The following TJP1 variants were observed in gnomAD, a reference collection of about 807,000 sequenced individuals.
TJP1 encodes the protein tight junction protein 1.
Under a neutral mutation model 194.2 loss-of-function variants are expected in TJP1, and 43 were observed. That is an observed-to-expected ratio of 0.22 (90% CI 0.17 to 0.29). The LOEUF is 0.29. Ranked by LOEUF, TJP1 falls within the 10% of genes least tolerant of loss-of-function variation. TJP1 has a pLI of 1.00. For missense variants in TJP1, 1,971 were observed against 2,185.7 expected, an observed-to-expected ratio of 0.90 and a Z score of 1.96; for synonymous variants, 801 against 779.0, an observed-to-expected ratio of 1.03 and a Z score of -0.47.
At chr15:29,913,217 G>A (rs1426735906) in intron 2 of TJP1, among the ~76,000 whole-genome samples, 4 of 152,106 alleles carry the variant, frequency 2.6e-5, no homozygotes, top group African/African-American at 9.7e-5. Flanking sequence ...GAATACGGAG[G>A]ACTTAAAAGA....
At chr15:29,770,931 A>T (rs2046629328) in intron 4 of TJP1, among the ~76,000 whole-genome samples, 2 of 152,200 alleles carry the variant, frequency 1.3e-5, no homozygotes, top group Admixed American at 6.5e-5. Flanking sequence ...AGTGTTTACA[A>T]AGTCTACAGT....
At chr15:29,825,003 T>G (rs1327783684), upstream of TJP1, among the ~76,000 whole-genome samples, 2 of 152,216 alleles carry the variant, frequency 1.3e-5, no homozygotes, top group Non-Finnish European at 2.9e-5. Context: ...TTTAAAATTT[T>G]TCAGTGGTAT....
chr15:29,804,448 T>C (rs556921208), intron 1 of TJP1, among the ~76,000 whole-genome samples: 12 of 152,286 alleles, frequency 7.9e-5, no homozygotes, highest in Middle Eastern at 6.8e-3. Flanking sequence ...ACTATTTTAA[T>C]GAGCATTCCA....
At chr15:29,826,140 ATT>A (rs999648054), upstream of TJP1, among the ~76,000 whole-genome samples, 1 of 105,204 alleles carries the variant, frequency 9.5e-6, no homozygotes, top group Admixed American at 1.0e-4. Flanking sequence ...ACACCATTTC[ATT>A]TTTTTTTTTT....
intron 27 of TJP1, among the ~76,000 whole-genome samples, 184 bp from the exon 28 acceptor site, chr15:29,701,873 A>C (rs2041566409): frequency 6.6e-6 from 1 of 152,230 alleles, no homozygotes; most frequent in Admixed American, 6.5e-5. Flanking sequence ...AACAATTCCA[A>C]AGGTGTTTCA....
intron 8 of TJP1, chr15:29,760,267 A>G: frequency 1.4e-6 from 1 of 702,298 alleles, no homozygotes; most frequent in Non-Finnish European, 2.6e-6. Flanking sequence ...TCTGGAGAGA[A>G]GGATCATAAT....
chr15:29,919,845 C>A (rs1361249170), intron 2 of TJP1, among the ~76,000 whole-genome samples: 1 of 152,008 alleles, frequency 6.6e-6, no homozygotes, highest in Non-Finnish European at 1.5e-5. Context: ...GGCTAAGCAG[C>A]CCCAATTACC....
At chr15:29,929,198 C>T (rs1207150136) in intron 2 of TJP1, among the ~76,000 whole-genome samples, 1 of 151,818 alleles carries the variant, frequency 6.6e-6, no homozygotes, top group Non-Finnish European at 1.5e-5. Flanking sequence ...AAAAAAAAAT[C>T]TTGGAAATTT....
chr15:29,846,268 C>T lies in TJP1; in HGVS notation c.307-45566G>A, dbSNP rs150330379. On this transcript the variant is annotated intron_variant, in intron 2 of 28. Coordinates refer to the TJP1 transcript ENST00000356107. ...CCTTCCTCCCAGGCTTGTCCAATGTCTTTCCATTCACTGCGATAGCCCCAG... is the reference window on the plus strand; with the variant it reads ...CCTTCCTCCCAGGCTTGTCCAATGTTTTTCCATTCACTGCGATAGCCCCAG... 3.3e-3 allele frequency among the ~76,000 whole-genome samples: 505 copies of T among 152,272 alleles called. 5 individuals carry two copies. Among genetic ancestry groups the T allele is most frequent in the African/African-American group, 0.012 (481 of 41,556 alleles).
rs146005101 is a variant in TJP1, at chr15:29,744,072, G to A, written c.1011-1291C>T. ...CATGCGCCTATAGTCCCAGCTACTC[G>A]TGAGGCTGAGGCAGGAGAATCAATT... On this transcript the variant is annotated intron_variant, in intron 8 of 27. Transcript: ENST00000614355. 3.2e-4 allele frequency among the ~76,000 whole-genome samples: 49 copies of A among 152,188 alleles called. 1 individual carries two copies. The East Asian group carries it at 7.0e-3, about 22-fold the overall frequency.
At chr15:29,871,300 C>T (rs556371583) in intron 2 of TJP1, among the ~76,000 whole-genome samples, 16 of 152,322 alleles carry the variant, frequency 1.1e-4, no homozygotes, top group African/African-American at 3.6e-4. Flanking sequence ...TATTAATAAA[C>T]GTGCAAACGT....
intron 15 of TJP1, chr15:29,730,662 C>T (rs1327767639): frequency 2.7e-5 from 19 of 716,416 alleles, no homozygotes; most frequent in Admixed American, 2.4e-4. Flanking sequence ...CCAAAGCCCG[C>T]GTGCCGCTGC....
intron 2 of TJP1, among the ~76,000 whole-genome samples, chr15:29,848,926 G>A (rs539498878): frequency 6.6e-6 from 1 of 151,716 alleles, no homozygotes; most frequent in East Asian, 1.9e-4. Context: ...AATATATGGA[G>A]AACTGATGGT....
At chr15:29,760,095 G>A (rs1033997568) in intron 8 of TJP1, 6 of 610,228 alleles carry the variant, frequency 9.8e-6, no homozygotes, top group African/African-American at 5.6e-5. Context: ...AACGTATAAG[G>A]GTTCCCTTTT....
chr15:29,854,625 T>C (rs1176177807), intron 2 of TJP1, among the ~76,000 whole-genome samples: 2 of 152,166 alleles, frequency 1.3e-5, no homozygotes, highest in Non-Finnish European at 2.9e-5. Context: ...AGTTCCAGCC[T>C]TCAAAACTGT....
chr15:29,905,341 C>T (rs1239043648), intron 2 of TJP1, among the ~76,000 whole-genome samples: 1 of 152,104 alleles, frequency 6.6e-6, no homozygotes, highest in Non-Finnish European at 1.5e-5. Flanking sequence ...AAAGAATGTT[C>T]CTCACAGGGT....
chr15:29,947,359 A>C (rs2152293573), intron 2 of TJP1, among the ~76,000 whole-genome samples: 1 of 152,310 alleles, frequency 6.6e-6, no homozygotes, highest in Non-Finnish European at 1.5e-5. Flanking sequence ...GAATCATAGG[A>C]ATTTTGAATT....
intron 2 of TJP1, among the ~76,000 whole-genome samples, chr15:29,857,771 C>T (rs1400589267): frequency 6.6e-6 from 1 of 151,858 alleles, no homozygotes; most frequent in African/African-American, 2.4e-5. Context: ...AAAATGACTC[C>T]ATTTTTTGAG....
At chr15:29,784,078 G>C (rs2047544844) in intron 2 of TJP1, among the ~76,000 whole-genome samples, 1 of 151,930 alleles carries the variant, frequency 6.6e-6, no homozygotes, top group African/African-American at 2.4e-5. Context: ...TGAACAGTAG[G>C]AGTCCCTAAA....
Sources: gnomAD v4.1 joint callset for allele counts (sites outside exome capture counted in the v4.1 genomes callset) on GRCh38, gnomAD v4.1.1 for gene constraint, MANE v1.5 for transcripts, NCBI Gene and HGNC (gene_info 2026-07-23, HGNC 2026-07-21) for gene names.